The following TECRL variants were observed in gnomAD, a reference collection of about 807,000 sequenced individuals.
The protein encoded by TECRL is trans-2,3-enoyl-CoA reductase-like.
Under a neutral mutation model 52.8 loss-of-function variants are expected in TECRL, and 63 were observed. That is an observed-to-expected ratio of 1.19 (90% CI 0.97 to 1.47). The LOEUF is 1.47. Ranked by LOEUF, TECRL falls within the 40% of genes most tolerant of loss-of-function variation. TECRL has a pLI of 0.00. For missense variants in TECRL, 482 were observed against 429.6 expected (o/e 1.12, Z -1.08); for synonymous variants, 164 against 141.9 (o/e 1.16, Z -1.10).
Position 64,409,108 on chromosome 4 carries a change from A to G in TECRL, c.234+10T>C. 2 of 1,576,660 alleles carry G rather than the reference A, an allele frequency of 1.3e-6. No individual in the cohort carries two copies. Among genetic ancestry groups the G allele is most frequent in the Non-Finnish European group, 1.7e-6 (2 of 1,160,744 alleles). ...AACAAACAAACAAATAAATAAATAA[A>G]TAAACTCACCTTATCCAGAATACAT... On this transcript the variant is annotated intron_variant, in intron 1 of 11. Transcript: ENST00000381210.
At chr4:64,394,174 C>G (rs1296126808) in intron 1 of TECRL, among the ~76,000 whole-genome samples, 1 of 152,138 alleles carries the variant, frequency 6.6e-6, no homozygotes, top group Non-Finnish European at 1.5e-5. Context: ...ACGTCACTTT[C>G]ATTACCAACA....
chr4:64,358,908 G>C (rs1720976868), intron 2 of TECRL, among the ~76,000 whole-genome samples: 1 of 151,626 alleles, frequency 6.6e-6, no homozygotes, highest in Non-Finnish European at 1.5e-5. Context: ...TAGGAAACGT[G>C]AAAAATAAAT....
chr4:64,401,622 T>G (rs1213696868), intron 1 of TECRL, among the ~76,000 whole-genome samples: 1 of 152,202 alleles, frequency 6.6e-6, no homozygotes, highest in Non-Finnish European at 1.5e-5. Context: ...TCCAATTAAA[T>G]TCATGCATTT....
At chr4:64,357,162 G>C (rs1485787703) in intron 2 of TECRL, among the ~76,000 whole-genome samples, 1 of 151,850 alleles carries the variant, frequency 6.6e-6, no homozygotes, top group Non-Finnish European at 1.5e-5. Flanking sequence ...TAAAAGCTCT[G>C]TCAATGTAAA....
At chr4:64,308,386 C>T (rs1273191128) in intron 6 of TECRL, among the ~76,000 whole-genome samples, 1 of 152,142 alleles carries the variant, frequency 6.6e-6, no homozygotes, top group East Asian at 1.9e-4. Flanking sequence ...AGCTTCCCCC[C>T]TCCACAGGCT....
chr4:64,333,241 A>G (rs1316259346), intron 2 of TECRL, among the ~76,000 whole-genome samples: 1 of 152,126 alleles, frequency 6.6e-6, no homozygotes, highest in Non-Finnish European at 1.5e-5. Flanking sequence ...AAATTAATAG[A>G]AGAGTTCTAA....
At chr4:64,287,435 G>C (rs915912613) in intron 9 of TECRL, among the ~76,000 whole-genome samples, 2 of 152,052 alleles carry the variant, frequency 1.3e-5, no homozygotes, top group African/African-American at 4.8e-5. Flanking sequence ...AGCGTGGAAG[G>C]CAAGGAAATG....
At chr4:64,289,949 G>A (rs946801302) in intron 8 of TECRL, among the ~76,000 whole-genome samples, 182 bp from the exon 9 acceptor site, 3 of 152,022 alleles carry the variant, frequency 2.0e-5, no homozygotes, top group African/African-American at 7.2e-5. Flanking sequence ...AGTTCTTGCT[G>A]GCATATATTG....
rs111713793 is a variant in TECRL, at chr4:64,313,368, A to G, written c.551+1280T>C. On this transcript the variant is annotated intron_variant, in intron 5 of 11. Transcript: ENST00000381210. ...GCATCCTGAATAAATATTCTCTTTC[A>G]ATTTAATTTGGCATATATTTCTTAC... Among the ~76,000 whole-genome samples the G allele has an allele frequency of 8.6e-3, 1,310 of 151,644 alleles. 18 individuals carry two copies. Among genetic ancestry groups the G allele is most frequent in the African/African-American group, 0.03 (1,229 of 41,318 alleles).
chr4:64,392,372 A>G (rs1723605358), intron 1 of TECRL, among the ~76,000 whole-genome samples: 1 of 151,848 alleles, frequency 6.6e-6, no homozygotes, highest in Non-Finnish European at 1.5e-5. Context: ...ATTTAGTCCA[A>G]TCTCCTTTAC....
In TECRL at chr4:64,333,953, G is replaced by A. The variant is rs796430637; in HGVS notation, c.287-5397C>T. Among the ~76,000 whole-genome samples the A allele has an allele frequency of 1.3e-4, 16 of 122,794 alleles. 3 individuals carry two copies. Among genetic ancestry groups the A allele is most frequent in the African/African-American group, 3.9e-4 (11 of 28,104 alleles). 80.6% of individuals were successfully genotyped at this position (122,794 alleles called of 152,430 possible). The stretch of plus-strand genomic sequence containing the variant: ...GCAGGAGAATGGCGTGAACCCGGGA[G>A]GCGGAGCTTGCAGTGAGCCGAGATT... On this transcript the variant is annotated intron_variant, in intron 2 of 11. Coordinates refer to ENST00000381210, the MANE Select transcript of TECRL (RefSeq NM_001010874.5).
chr4:64,386,961 A>G (rs527289061), intron 1 of TECRL, among the ~76,000 whole-genome samples: 1 of 152,270 alleles, frequency 6.6e-6, no homozygotes, highest in East Asian at 1.9e-4. Context: ...ACAGTTTACA[A>G]TGGGGTTCAC....
At position 64,307,960 on chromosome 4, in the gene TECRL, T is replaced by C. The variant is rs201733864; in HGVS notation, c.657+1866A>G. Among the ~76,000 whole-genome samples the C allele has an allele frequency of 1.1e-4, 16 of 152,274 alleles. No individual in the cohort carries two copies. The East Asian group carries it at 3.1e-3, about 30-fold the overall frequency. On this transcript the variant is annotated intron_variant, in intron 6 of 11. Coordinates refer to ENST00000381210, the MANE Select transcript of TECRL (RefSeq NM_001010874.5). ...AGATGGAGGAGAAAACACTTTCAAA[T>C]GTGCATACTGGAGGACTTACGAAGT...
intron 1 of TECRL, among the ~76,000 whole-genome samples, chr4:64,405,183 A>C (rs1444880561): frequency 6.6e-6 from 1 of 152,128 alleles, no homozygotes; most frequent in Non-Finnish European, 1.5e-5. Flanking sequence ...AGTCAGGAAA[A>C]GCCTCCAGGA....
intron 11 of TECRL, among the ~76,000 whole-genome samples, chr4:64,280,648 T>C (rs1176627465): frequency 6.6e-6 from 1 of 152,128 alleles, no homozygotes; most frequent in African/African-American, 2.4e-5. Context: ...TTCAACTTCT[T>C]AGTGTGTGTT....
At chr4:64,392,606 C>A (rs758387620) in intron 1 of TECRL, among the ~76,000 whole-genome samples, 10 of 151,752 alleles carry the variant, frequency 6.6e-5, no homozygotes, top group Non-Finnish European at 1.3e-4. Context: ...TTTTTTTAGT[C>A]GAGGCTGATA....
chr4:64,337,777 A>G (rs1297041432), intron 2 of TECRL, among the ~76,000 whole-genome samples: 3 of 152,186 alleles, frequency 2.0e-5, no homozygotes, highest in Non-Finnish European at 4.4e-5. Context: ...GAAATAAAAG[A>G]GGAGAGGGCA....
intron 2 of TECRL, among the ~76,000 whole-genome samples, chr4:64,343,746 C>T (rs1689431230): frequency 6.6e-6 from 1 of 152,020 alleles, no homozygotes; most frequent in Admixed American, 6.6e-5. Flanking sequence ...TAGGTTTCTA[C>T]TCATGGAAGA....
chr4:64,313,236 A>G lies in TECRL; in HGVS notation c.551+1412T>C, dbSNP rs201305772. Among the ~76,000 whole-genome samples the G allele has an allele frequency of 3.9e-5, 6 of 152,042 alleles. No homozygotes were observed. In the East Asian group the frequency reaches 1.2e-3, roughly 29 times the overall value. On this transcript the variant is annotated intron_variant, in intron 5 of 11. Transcript: ENST00000381210. ...TTATCTTTTAGTATCCATATGACCT[A>G]AATACTTACAATTTGCTTCTTAATT...
Sources: gnomAD v4.1 joint callset for allele counts (sites outside exome capture counted in the v4.1 genomes callset) on GRCh38, gnomAD v4.1.1 for gene constraint, MANE v1.5 for transcripts, NCBI Gene and HGNC (gene_info 2026-07-23, HGNC 2026-07-21) for gene names.